Variants in ARVCF observed in about 807,000 individuals in gnomAD.
ARVCF encodes ARVCF delta catenin family member.
In ARVCF, 66 loss-of-function variants were observed where a neutral mutation model predicts 90.9. The observed-to-expected ratio is 0.73, with a 90% CI of 0.60 to 0.89. ARVCF has a LOEUF of 0.89. Among genes scored for constraint, ARVCF ranks in the 40% least tolerant of loss-of-function variants. The pLI is 0.00. For missense variants in ARVCF, 1,469 were observed against 1,382.3 expected (o/e 1.06, Z -1.00); for synonymous variants, 653 against 603.4 (o/e 1.08, Z -1.21).
chr22:19,982,257 T>A (rs982943598), intron 3 of ARVCF, among the ~76,000 whole-genome samples, 166 bp from the exon 4 acceptor site: 1 of 152,136 alleles, frequency 6.6e-6, no homozygotes, highest in African/African-American at 2.4e-5. Context: ...CGGCCCAAGC[T>A]GACAAGGACA....
Position 19,971,305 on chromosome 22 carries a change from C to CA in ARVCF, c.2811_2812insT (p.Gly938TrpfsTer17). 6.4e-7 allele frequency: 1 copy of CA among 1,555,230 alleles called. No homozygotes were observed. The highest frequency in any genetic ancestry group is 1.2e-5 in the South Asian group (1 of 84,554). On this transcript the variant is annotated frameshift_variant, in exon 19 of 20. Coordinates refer to ENST00000263207, the MANE Select transcript of ARVCF (RefSeq NM_001670.3). LOFTEE classifies it high-confidence loss of function. Reference sequence around the variant, plus strand: ...AGCCTGACCGCGGGCCTGCTGGGCCCGGGGGGAGGGGCCTTCCTGCTGGGG... The same window carrying CA: ...AGCCTGACCGCGGGCCTGCTGGGCCCAGGGGGGAGGGGCCTTCCTGCTGGGG...
intron 3 of ARVCF, chr22:19,986,604 G>C (rs1943781321): frequency 6.4e-6 from 1 of 155,046 alleles, no homozygotes; most frequent in Non-Finnish European, 1.4e-5. Flanking sequence ...CGGCGTAGGG[G>C]GTGTGGAGGG....
chr22:19,981,118 CT>C (rs1212209947), intron 5 of ARVCF, 92 bp downstream of exon 5: 15 of 1,408,070 alleles, frequency 1.1e-5, no homozygotes, highest in Admixed American at 2.8e-5. Context: ...ACTAACTCAA[CT>C]GCGCCACTTG....
At chr22:20,009,055 T>G (rs1944736045) in intron 2 of ARVCF, among the ~76,000 whole-genome samples, 1 of 152,278 alleles carries the variant, frequency 6.6e-6, no homozygotes, top group East Asian at 1.9e-4. Flanking sequence ...GGCTGTCGTT[T>G]GGTGTCTGGC....
Position 19,970,425 on chromosome 22 carries a change from C to A in ARVCF, c.*331G>T. Reference sequence around the variant, plus strand: ...CAGGGGCACCCTCCTATCCCACCAGCCCCAAAGCCCAGCCAGGCACCCTTC... The same window carrying A: ...CAGGGGCACCCTCCTATCCCACCAGACCCAAAGCCCAGCCAGGCACCCTTC... On this transcript the variant is annotated 3_prime_UTR_variant, in exon 20 of 20. Transcript: ENST00000263207. The A allele has an allele frequency of 9.2e-7, 1 of 1,084,528 alleles. No homozygotes were observed. Among genetic ancestry groups the A allele is most frequent in the South Asian group, 2.2e-5 (1 of 44,836 alleles). The allele number at this position is 1,084,528 out of a possible 1,614,324, so 67.2% of individuals were successfully genotyped here.
chr22:19,971,739 G>T, intron 18 of ARVCF, 147 bp downstream of exon 18: 1 of 806,210 alleles, frequency 1.2e-6, no homozygotes, highest in African/African-American at 1.7e-5. Flanking sequence ...ACTGACTGGC[G>T]TGAAGGGGCT....
At chr22:19,972,061 C>A in intron 17 of ARVCF, 90 bp from the exon 18 acceptor site, 1 of 1,287,308 alleles carries the variant, frequency 7.8e-7, no homozygotes. Context: ...ACAGGGGACT[C>A]GTGGGACAGG....
chr22:19,976,034 T>G (rs1484466760), intron 10 of ARVCF, among the ~76,000 whole-genome samples: 4 of 152,002 alleles, frequency 2.6e-5, no homozygotes, highest in Non-Finnish European at 1.5e-5. Context: ...ACCCTCCCGG[T>G]GGCTCCCTTG....
chr22:19,971,795 G>A, intron 18 of ARVCF, 91 bp downstream of exon 18: 1 of 1,417,418 alleles, frequency 7.1e-7, no homozygotes. Context: ...CCAGGGCCCA[G>A]ACCAGACCCA....
Position 19,977,548 on chromosome 22 carries a change from G to C in ARVCF, c.1737C>G (p.Ser579=). 2 of 1,581,598 alleles carry C rather than the reference G, an allele frequency of 1.3e-6. No homozygotes were observed. Among genetic ancestry groups the C allele is most frequent in the Non-Finnish European group, 1.7e-6 (2 of 1,164,200 alleles). The change falls in exon 9 of 20, where the codon TCC becomes TCG. Residue 579 remains serine (S), a synonymous_variant. Coordinates refer to ENST00000263207, the MANE Select transcript of ARVCF (RefSeq NM_001670.3). ...ENCVCIMRNL[S]YHVHKEVPGA... is the part of the protein sequence containing the mutation. Reference sequence around the variant, plus strand: ...CGGGCACCTCCTTGTGCACGTGGTAGGACAGGTTCCGCATGATGCACACGC... The same window carrying C: ...CGGGCACCTCCTTGTGCACGTGGTACGACAGGTTCCGCATGATGCACACGC...
At chr22:19,971,438 GGCCT>G in intron 18 of ARVCF, 103 bp from the exon 19 acceptor site, 1 of 1,387,594 alleles carries the variant, frequency 7.2e-7, no homozygotes. Context: ...TGTAAGGGTT[GGCCT>G]GCCAGGACAG....
intron 12 of ARVCF, 22 bp downstream of exon 12, chr22:19,974,090 C>G: frequency 6.3e-7 from 1 of 1,592,332 alleles, no homozygotes; most frequent in East Asian, 2.2e-5. Flanking sequence ...ACTTGCCCAC[C>G]CTGCCCGACC....
intron 11 of ARVCF, among the ~76,000 whole-genome samples, chr22:19,974,574 C>T (rs77339399): frequency 0.016 from 2,415 of 152,176 alleles, 70 homozygotes; most frequent in African/African-American, 0.056. Flanking sequence ...GCTATGCATC[C>T]TGGCCACGCC....
chr22:19,971,240 A>C lies in ARVCF; in HGVS notation c.2877T>G (p.Asp959Glu). Reference sequence around the variant, plus strand: ...CCAGGCATGCAAGCTAGACCCAGGAATCAACGGGCTGAGGCTTAGCGTCCC... The same window carrying C: ...CCAGGCATGCAAGCTAGACCCAGGACTCAACGGGCTGAGGCTTAGCGTCCC... ...AVGDAKPQPV[D>E]SWV Residue 959 changes from aspartate to glutamate, a missense_variant, in exon 19 of 20, where the codon GAT becomes GAG. Physicochemically the swap from Asp to Glu is conservative, Grantham distance 45. Transcript: ENST00000263207. 6.4e-7 allele frequency: 1 copy of C among 1,555,006 alleles called. No individual in the cohort carries two copies. The highest frequency in any genetic ancestry group is 8.7e-7 in the Non-Finnish European group (1 of 1,148,468).
intron 3 of ARVCF, 146 bp downstream of exon 3, chr22:19,990,439 A>C (rs1175263772): frequency 2.8e-5 from 29 of 1,044,098 alleles, no homozygotes; most frequent in Non-Finnish European, 4.0e-5. Context: ...TTCCAGCCCA[A>C]CCTGGGATCC....
At chr22:19,967,110 T>C, downstream of ARVCF, 1 of 1,274,758 alleles carries the variant, frequency 7.8e-7, no homozygotes. Flanking sequence ...CCTCCAAAGG[T>C]GACCCATGCT....
chr22:19,967,083 G>T, downstream of ARVCF: 1 of 1,237,840 alleles, frequency 8.1e-7, no homozygotes, highest in Non-Finnish European at 1.0e-6. Context: ...TTTCGTAAAG[G>T]AGTGGGCCCC....
At chr22:19,968,902 G>C, downstream of ARVCF, 1 of 638,896 alleles carries the variant, frequency 1.6e-6, no homozygotes, top group Non-Finnish European at 2.8e-6. Flanking sequence ...CTGCAACACT[G>C]GATTGTTCTT....
rs2146280204 is a variant in ARVCF, at chr22:19,977,417, T to C, written c.1868A>G (p.Lys623Arg). 3 of 1,523,242 alleles carry C rather than the reference T, an allele frequency of 2.0e-6. No individual in the cohort carries two copies. The highest frequency in any genetic ancestry group is 2.6e-6 in the Non-Finnish European group (3 of 1,134,980). 94.4% of individuals were successfully genotyped at this position (1,523,242 alleles called of 1,614,324 possible). ...DASCFGGKKA[K>R]EEWFHQGKKD... Reference sequence around the variant, plus strand: ...ATACCCCAGTCCGCCCCACCCACCTTTGGCCTTCTTGCCTCCAAAGCAGCT... The same window carrying C: ...ATACCCCAGTCCGCCCCACCCACCTCTGGCCTTCTTGCCTCCAAAGCAGCT... The change falls in exon 9 of 20, where the codon AAA becomes AGA. Residue 623 changes from lysine to arginine, a missense_variant and splice_region_variant. By Grantham distance (26) the Lys-to-Arg change is conservative. Coordinates refer to ENST00000263207, the MANE Select transcript of ARVCF (RefSeq NM_001670.3).
Sources: gnomAD v4.1 joint callset for allele counts (sites outside exome capture counted in the v4.1 genomes callset) on GRCh38, gnomAD v4.1.1 for gene constraint, MANE v1.5 for transcripts, NCBI Gene and HGNC (gene_info 2026-07-23, HGNC 2026-07-21) for gene names.